ARPC4: variants seen among roughly 807,000 people sequenced by gnomAD.
ARPC4 encodes the protein actin related protein 2/3 complex subunit 4, also known as actin-related protein 2/3 complex subunit 4.
Under a neutral mutation model 22.8 loss-of-function variants are expected in ARPC4, and 3 were observed. The ratio of observed to expected loss-of-function variants is 0.13; its 90% CI spans 0.06 to 0.34. The LOEUF (loss-of-function observed/expected upper bound fraction) is 0.34. Among genes scored for constraint, ARPC4 ranks in the 10% least tolerant of loss-of-function variants. ARPC4 has a pLI of 1.00. For missense variants in ARPC4, 98 were observed against 211.0 expected (o/e 0.46, Z 3.32); for synonymous variants, 80 against 72.5 (o/e 1.10, Z -0.52).
intron 5 of ARPC4, among the ~76,000 whole-genome samples, chr3:9,804,870 G>C (rs564498218): frequency 6.6e-6 from 1 of 152,202 alleles, no homozygotes; most frequent in East Asian, 1.9e-4. Context: ...CAGCTCACTC[G>C]GCTATGGAGG....
chr3:9,797,121 T>C (rs1341708978), intron 1 of ARPC4, among the ~76,000 whole-genome samples: 5 of 152,166 alleles, frequency 3.3e-5, no homozygotes. Context: ...TGTTTGAGGG[T>C]AGAGACAGTG....
chr3:9,797,931 G>A (rs527654193), intron 2 of ARPC4, 154 bp downstream of exon 2: 1 of 809,470 alleles, frequency 1.2e-6, no homozygotes, highest in Admixed American at 2.9e-5. Context: ...TCCCAATTTG[G>A]AGTTAAGAAA....
At chr3:9,805,602 C>G (rs866725790) in intron 5 of ARPC4, among the ~76,000 whole-genome samples, 3 of 152,244 alleles carry the variant, frequency 2.0e-5, no homozygotes, top group Non-Finnish European at 4.4e-5. Flanking sequence ...TCCATGTTTT[C>G]AAGGTTGGCA....
At chr3:9,802,221 G>C (rs1448896820) in intron 4 of ARPC4, among the ~76,000 whole-genome samples, 2 of 99,748 alleles carry the variant, frequency 2.0e-5, no homozygotes, top group Non-Finnish European at 3.6e-5. Flanking sequence ...CTGGGCGACA[G>C]AGCAAGACTC....
In ARPC4 at chr3:9,800,301, G is replaced by A. The variant is rs773937826; in HGVS notation, c.234+5G>A. 2.0e-5 allele frequency: 33 copies of A among 1,613,886 alleles called. No homozygotes were observed. In the Admixed American group the frequency reaches 4.3e-4, roughly 21 times the overall value. On this transcript the variant is annotated splice_donor_5th_base_variant and intron_variant, in intron 3 of 5. Transcript: ENST00000397261. ...GTCAGCATTGCTGTGAAACAGGTAA[G>A]TTCACCATGGAGGAGGCCCAACGTA...
chr3:9,793,328 G>A, intron 1 of ARPC4: 1 of 1,082,206 alleles, frequency 9.2e-7, no homozygotes, highest in Non-Finnish European at 1.3e-6. Context: ...GGTATGAAGT[G>A]GGCCTTGTGG....
At chr3:9,793,010 G>T, upstream of ARPC4, 1 of 1,525,016 alleles carries the variant, frequency 6.6e-7, no homozygotes. Context: ...AGCATAGATG[G>T]TACCGTCCGG....
At position 9,793,097 on chromosome 3, in the gene ARPC4, C is replaced by T. The variant is rs375229987; in HGVS notation, c.-25C>T. 5.5e-5 allele frequency: 85 copies of T among 1,545,088 alleles called. No homozygotes were observed. The highest frequency in any genetic ancestry group is 9.8e-5 in the East Asian group (4 of 40,714). Reference sequence around the variant, plus strand: ...GGGGCTGGCCACTTCCGTACTTCCGCTTTCCGGCCCAGCCAGCGCCCGCGA... The same window carrying T: ...GGGGCTGGCCACTTCCGTACTTCCGTTTTCCGGCCCAGCCAGCGCCCGCGA... On this transcript the variant is annotated 5_prime_UTR_variant, in exon 1 of 6. Transcript: ENST00000397261.
chr3:9,804,262 G>A, intron 5 of ARPC4: 1 of 398,084 alleles, frequency 2.5e-6, no homozygotes, highest in Non-Finnish European at 4.5e-6. Flanking sequence ...GTAGGAACTT[G>A]GTCACTCATT....
chr3:9,806,468 GT>G lies in ARPC4; in HGVS notation c.*254del. On this transcript the variant is annotated 3_prime_UTR_variant, in exon 6 of 6. Coordinates refer to ENST00000397261, the MANE Select transcript of ARPC4 (RefSeq NM_005718.5). ...TGGGCCGGGACAGATTTTTTTTAAC[GT>G]CTTGAAACTTAAACTCTGTGCTTGT... 1.8e-6 allele frequency: 1 copy of G among 564,172 alleles called. No individual in the cohort carries two copies. Among genetic ancestry groups the G allele is most frequent in the Non-Finnish European group, 3.2e-6 (1 of 314,788 alleles). 34.9% of individuals were successfully genotyped at this position (564,172 alleles called of 1,614,324 possible).
intron 2 of ARPC4, among the ~76,000 whole-genome samples, chr3:9,798,728 G>C (rs1021444025): frequency 6.6e-6 from 1 of 151,996 alleles, no homozygotes; most frequent in African/African-American, 2.4e-5. Context: ...ACAAAAATAA[G>C]CTGGGCATGG....
intron 4 of ARPC4, 35 bp from the exon 5 acceptor site, chr3:9,803,808 C>T: frequency 6.2e-7 from 1 of 1,602,338 alleles, no homozygotes; most frequent in South Asian, 1.1e-5. Flanking sequence ...TCTCCTGTTC[C>T]TTCTCTTCCC....
chr3:9,794,948 T>A (rs1380650738), intron 1 of ARPC4, among the ~76,000 whole-genome samples: 1 of 152,224 alleles, frequency 6.6e-6, no homozygotes, highest in Non-Finnish European at 1.5e-5. Context: ...TTACTCTTTT[T>A]TTATTACCAA....
Position 9,795,535 on chromosome 3 carries a change from G to A in ARPC4, c.4-2124G>A, listed in dbSNP as rs114639351. Among the ~76,000 whole-genome samples the A allele has an allele frequency of 3.2e-3, 486 of 152,110 alleles. 2 individuals carry two copies. Among genetic ancestry groups the A allele is most frequent in the African/African-American group, 0.011 (470 of 41,500 alleles). ...CAAGATTCCCCATGATCTTACCTCA[G>A]CCTACCGCTGCAGCCTCATTTAGTG... On this transcript the variant is annotated intron_variant, in intron 1 of 5. Coordinates refer to ENST00000397261, the MANE Select transcript of ARPC4 (RefSeq NM_005718.5).
intron 1 of ARPC4, among the ~76,000 whole-genome samples, chr3:9,793,997 GTTC>G (rs955724755): frequency 1.5e-4 from 23 of 151,988 alleles, no homozygotes; most frequent in Non-Finnish European, 3.1e-4. Context: ...TTCTAAATTT[GTTC>G]TTCCTCCTGG....
chr3:9,796,615 A>G (rs1190354394), intron 1 of ARPC4, among the ~76,000 whole-genome samples: 1 of 152,194 alleles, frequency 6.6e-6, no homozygotes, highest in African/African-American at 2.4e-5. Context: ...AGGACTGACC[A>G]GTGCAGCTAG....
At chr3:9,795,116 C>T (rs1324168953) in intron 1 of ARPC4, among the ~76,000 whole-genome samples, 2 of 152,076 alleles carry the variant, frequency 1.3e-5, no homozygotes, top group Non-Finnish European at 1.5e-5. Context: ...AGCAATTCTA[C>T]TGCCTCAGCC....
intron 1 of ARPC4, among the ~76,000 whole-genome samples, chr3:9,796,239 C>G (rs2078881994): frequency 6.6e-6 from 1 of 152,114 alleles, no homozygotes; most frequent in South Asian, 2.1e-4. Context: ...ACTAAAAATA[C>G]AAAAATTAGC....
At position 9,806,233 on chromosome 3, in the gene ARPC4, C is replaced by T. The variant is rs777588622; in HGVS notation, c.*18C>T. On this transcript the variant is annotated 3_prime_UTR_variant, in exon 6 of 6. Transcript: ENST00000397261. ...AGTTTTAAACCATCTGGCTGGATCT[C>T]GTGGCCTTCCCCCTCAGACTACCCA... 17 of 1,613,404 alleles carry T rather than the reference C, an allele frequency of 1.1e-5. No individual in the cohort carries two copies. In the South Asian group the frequency reaches 1.2e-4, roughly 11 times the overall value.
Sources: allele counts gnomAD v4.1 joint callset (sites outside exome capture counted in the v4.1 genomes callset), GRCh38; gene constraint gnomAD v4.1.1; transcripts MANE v1.5; gene names NCBI Gene and HGNC (gene_info 2026-07-23, HGNC 2026-07-21).